GPHN: variants seen among roughly 807,000 people sequenced by gnomAD.
The protein encoded by GPHN is gephyrin.
Under a neutral mutation model 95.5 loss-of-function variants are expected in GPHN, and 17 were observed. The observed-to-expected ratio is 0.18, with a 90% CI of 0.12 to 0.27. GPHN has a LOEUF of 0.27. Ranked by LOEUF, GPHN falls within the 10% of genes least tolerant of loss-of-function variation. GPHN has a pLI of 1.00. For synonymous variants in GPHN, 320 were observed against 322.5 expected, an observed-to-expected ratio of 0.99 and a Z score of 0.08; for missense variants, 660 against 978.1, an observed-to-expected ratio of 0.67 and a Z score of 4.34.
intron 20 of GPHN, among the ~76,000 whole-genome samples, chr14:67,167,823 A>C (rs1262988814): frequency 6.6e-6 from 1 of 152,232 alleles, no homozygotes; most frequent in Admixed American, 6.5e-5. Flanking sequence ...AGACTCAAAA[A>C]ACTTTGGAAC....
the GPHN span, among the ~76,000 whole-genome samples, chr14:67,706,796 A>G: frequency 3.9e-5 from 6 of 152,146 alleles, no homozygotes; most frequent in Non-Finnish European, 7.4e-5. Context: ...TGGAGAAAGC[A>G]TTTTAGAAGA....
chr14:67,689,893 C>T, the GPHN span, among the ~76,000 whole-genome samples: 1 of 151,592 alleles, frequency 6.6e-6, no homozygotes, highest in South Asian at 2.1e-4. Context: ...GGCAGTGAGC[C>T]GAGATTGCAC....
the GPHN span, chr14:67,376,352 G>A: frequency 1.6e-6 from 2 of 1,281,738 alleles, no homozygotes; most frequent in Admixed American, 5.2e-5. Context: ...AATTATTGTA[G>A]CCAAATTATG....
chr14:67,402,246 T>C, the GPHN span, among the ~76,000 whole-genome samples: 1 of 152,346 alleles, frequency 6.6e-6, no homozygotes, highest in African/African-American at 2.4e-5. Context: ...ATTCCATGCA[T>C]GGGGCATTGA....
intron 5 of GPHN, among the ~76,000 whole-genome samples, chr14:66,880,762 C>A (rs577910270): frequency 7.9e-5 from 12 of 151,868 alleles, no homozygotes; most frequent in African/African-American, 2.9e-4. Flanking sequence ...TAAAACTATG[C>A]CTTTGTTGAC....
intron 19 of GPHN, among the ~76,000 whole-genome samples, chr14:67,164,627 G>T (rs924284203): frequency 5.3e-5 from 8 of 152,000 alleles, no homozygotes; most frequent in South Asian, 4.2e-4. Flanking sequence ...GAGTAGCTGG[G>T]ATTACAGGCG....
intron 9 of GPHN, among the ~76,000 whole-genome samples, chr14:67,014,386 C>G (rs533361484): frequency 1.3e-5 from 2 of 152,144 alleles, no homozygotes; most frequent in South Asian, 4.2e-4. Context: ...AAATTCAAAT[C>G]TAGACAGTTT....
intron 16 of GPHN, among the ~76,000 whole-genome samples, chr14:67,114,995 A>T (rs906842205): frequency 2.0e-5 from 3 of 152,190 alleles, no homozygotes; most frequent in Admixed American, 1.3e-4. Flanking sequence ...CTCTTGAAGA[A>T]GCTTTGACTA....
the GPHN span, chr14:67,642,170 C>A: frequency 3.1e-6 from 5 of 1,611,316 alleles, no homozygotes; most frequent in Non-Finnish European, 4.2e-6. Context: ...TCTTGTCATC[C>A]CTCATTTGCT....
At chr14:66,887,743 A>G (rs2064273960) in intron 5 of GPHN, among the ~76,000 whole-genome samples, 1 of 152,198 alleles carries the variant, frequency 6.6e-6, no homozygotes, top group Non-Finnish European at 1.5e-5. Context: ...AAAAAATACA[A>G]TTTGAAGAGA....
chr14:67,400,132 C>A, the GPHN span, among the ~76,000 whole-genome samples: 1 of 152,334 alleles, frequency 6.6e-6, no homozygotes, highest in African/African-American at 2.4e-5. Context: ...GAATCGTCTG[C>A]ACCAAAGTTA....
the GPHN span, among the ~76,000 whole-genome samples, chr14:67,494,326 C>A: frequency 6.6e-6 from 1 of 152,196 alleles, no homozygotes; most frequent in Non-Finnish European, 1.5e-5. Flanking sequence ...CTCAAACCAG[C>A]CTGAGAAAGG....
intron 1 of GPHN, among the ~76,000 whole-genome samples, chr14:66,559,952 C>A (rs1031848181): frequency 3.3e-5 from 5 of 152,072 alleles, no homozygotes; most frequent in South Asian, 2.1e-4. Flanking sequence ...TCAGCTTTCT[C>A]CATATGGCTA....
the GPHN span, among the ~76,000 whole-genome samples, chr14:67,213,770 T>C: frequency 1.3e-5 from 2 of 152,228 alleles, no homozygotes; most frequent in African/African-American, 2.4e-5. Flanking sequence ...AACTAGTTTA[T>C]AGTCCCACCA....
intron 2 of GPHN, among the ~76,000 whole-genome samples, chr14:66,707,995 C>T (rs1326886036): frequency 6.6e-6 from 1 of 152,046 alleles, no homozygotes; most frequent in East Asian, 1.9e-4. Context: ...GCTATAGTCA[C>T]CCTATAAAGT....
Position 66,612,391 on chromosome 14 carries a change from C to G in GPHN, c.65-68716C>G, listed in dbSNP as rs181047541. ...CCCACATAGTTGCTCTGCATACTTT[C>G]TACTCCTCTTATTTAATTTTTTGTT... is the stretch of plus-strand genomic sequence containing the variant. On this transcript the variant is annotated intron_variant, in intron 1 of 22. Transcript: ENST00000478722. Among the ~76,000 whole-genome samples the G allele has an allele frequency of 1.2e-3, 189 of 152,060 alleles. 3 individuals are homozygous for G. The highest frequency in any genetic ancestry group is 4.3e-4 in the Non-Finnish European group (29 of 67,934).
intron 6 of GPHN, among the ~76,000 whole-genome samples, chr14:66,918,731 G>T (rs2066045727): frequency 1.3e-5 from 2 of 151,992 alleles, no homozygotes; most frequent in African/African-American, 4.8e-5. Flanking sequence ...ATTCCTATTA[G>T]GCGTGAAATT....
intron 8 of GPHN, among the ~76,000 whole-genome samples, chr14:66,964,540 A>C (rs545862695): frequency 6.6e-6 from 1 of 152,330 alleles, no homozygotes; most frequent in South Asian, 2.1e-4. Flanking sequence ...GGGAACCATT[A>C]ATGCTTCTAC....
intron 3 of GPHN, among the ~76,000 whole-genome samples, chr14:66,820,929 T>C (rs1331627133): frequency 6.6e-6 from 1 of 152,164 alleles, no homozygotes; most frequent in Non-Finnish European, 1.5e-5. Context: ...AATGGAATAC[T>C]AGAAATGCAA....
Sources: allele counts gnomAD v4.1 joint callset (sites outside exome capture counted in the v4.1 genomes callset), GRCh38; gene constraint gnomAD v4.1.1; transcripts MANE v1.5; gene names NCBI Gene and HGNC (gene_info 2026-07-23, HGNC 2026-07-21).